Variants in KLRG1 observed in about 807,000 individuals in gnomAD.
KLRG1 encodes the protein killer cell lectin-like receptor subfamily G member 1.
KLRG1 carries 16 observed loss-of-function variants against 21.8 expected under a neutral mutation model. The observed-to-expected ratio is 0.73, with a 90% CI of 0.50 to 1.11. The LOEUF (loss-of-function observed/expected upper bound fraction) is 1.11. KLRG1 is among the 50% of genes most tolerant of loss of function. The probability of loss-of-function intolerance (pLI) is 0.00; values close to 1 mark genes in which losing one functional copy is unlikely to be tolerated. For missense variants in KLRG1, 173 were observed against 218.3 expected, an observed-to-expected ratio of 0.79 and a Z score of 1.31; for synonymous variants, 69 against 75.9, an observed-to-expected ratio of 0.91 and a Z score of 0.47.
At chr12:9,201,447 G>T in the KLRG1 span, 1 of 895,390 alleles carries the variant, frequency 1.1e-6, no homozygotes. Flanking sequence ...AATATTATCT[G>T]TAGCTAAATT....
the KLRG1 span, among the ~76,000 whole-genome samples, chr12:9,062,130 T>G: frequency 6.7e-6 from 1 of 148,532 alleles, no homozygotes; most frequent in Non-Finnish European, 1.5e-5. Context: ...GGATAATATA[T>G]CTGATATATT....
chr12:9,151,686 G>A, the KLRG1 span: 1 of 1,609,440 alleles, frequency 6.2e-7, no homozygotes, highest in South Asian at 1.1e-5. Flanking sequence ...GAGAGAATTA[G>A]AAAACTTCAG....
chr12:9,064,922 C>T, the KLRG1 span: 1 of 152,326 alleles, frequency 6.6e-6, no homozygotes, highest in Non-Finnish European at 1.5e-5. The surrounding 1 kb of genome is among the most constrained non-coding windows in gnomAD (Gnocchi z 4.0). Flanking sequence ...GGCGCGTCTT[C>T]AGGGTCCTCC....
the KLRG1 span, among the ~76,000 whole-genome samples, chr12:9,129,936 T>C: frequency 6.6e-6 from 1 of 152,240 alleles, no homozygotes. Flanking sequence ...CTTGCAAATC[T>C]GAAACTCTAT....
chr12:9,051,923 A>T, the KLRG1 span, among the ~76,000 whole-genome samples: 1 of 152,328 alleles, frequency 6.6e-6, no homozygotes, highest in African/African-American at 2.4e-5. Flanking sequence ...GAGACCAATC[A>T]ACAGGATGTT....
At chr12:9,113,380 G>C in the KLRG1 span, 11 of 1,613,530 alleles carry the variant, frequency 6.8e-6, no homozygotes, top group Non-Finnish European at 8.5e-6. Flanking sequence ...ACACAGTGGA[G>C]TACGTCATTC....
At chr12:9,034,396 T>C in the KLRG1 span, among the ~76,000 whole-genome samples, 1 of 152,190 alleles carries the variant, frequency 6.6e-6, no homozygotes, top group African/African-American at 2.4e-5. Flanking sequence ...ACATAATACC[T>C]GATGATAATA....
At chr12:9,045,781 G>A in the KLRG1 span, among the ~76,000 whole-genome samples, 14 of 152,230 alleles carry the variant, frequency 9.2e-5, no homozygotes, top group South Asian at 2.9e-3. Flanking sequence ...CAAAGACATG[G>A]AATCAACCCA....
chr12:9,087,362 A>G, the KLRG1 span, among the ~76,000 whole-genome samples: 1 of 152,202 alleles, frequency 6.6e-6, no homozygotes, highest in Non-Finnish European at 1.5e-5. Flanking sequence ...TTATGGCAGC[A>G]TGATTAAATC....
intron 3 of KLRG1, among the ~76,000 whole-genome samples, chr12:8,998,519 C>T (rs762442906): frequency 7.9e-5 from 12 of 151,942 alleles, no homozygotes; most frequent in African/African-American, 2.4e-4. Context: ...AAGACCCTGC[C>T]TCTACAAAAA....
downstream of KLRG1, among the ~76,000 whole-genome samples, chr12:9,012,356 T>G (rs1947643731): frequency 2.0e-5 from 3 of 152,082 alleles, no homozygotes; most frequent in Admixed American, 2.0e-4. Flanking sequence ...CTGGATGATA[T>G]TTTAAGACCC....
the KLRG1 span, among the ~76,000 whole-genome samples, chr12:9,077,146 A>T: frequency 6.6e-6 from 1 of 152,332 alleles, no homozygotes; most frequent in East Asian, 1.9e-4. Context: ...GGTGGTGGTA[A>T]ATAGCCTAGG....
chr12:9,116,182 C>A, the KLRG1 span: 1 of 338,684 alleles, frequency 3.0e-6, no homozygotes, highest in South Asian at 2.5e-5. Flanking sequence ...CTCACTCCCC[C>A]ACAACTCCTC....
At chr12:9,000,573 C>T (rs1047377847) in intron 3 of KLRG1, among the ~76,000 whole-genome samples, 6 of 152,200 alleles carry the variant, frequency 3.9e-5, no homozygotes, top group African/African-American at 1.4e-4. Flanking sequence ...AACTCCCCTC[C>T]CTCTAGCCCC....
chr12:9,197,064 G>A, the KLRG1 span: 1 of 1,613,490 alleles, frequency 6.2e-7, no homozygotes, highest in East Asian at 2.2e-5. Context: ...AAGAACACGA[G>A]ATAATTTTCT....
At chr12:8,981,433 T>C (rs1196982097) in intron 1 of KLRG1, among the ~76,000 whole-genome samples, 2 of 152,084 alleles carry the variant, frequency 1.3e-5, no homozygotes, top group Non-Finnish European at 2.9e-5. Flanking sequence ...CTGTGTTCTA[T>C]ATATTTTTGT....
the KLRG1 span, among the ~76,000 whole-genome samples, chr12:9,083,260 G>A: frequency 6.6e-6 from 1 of 152,090 alleles, no homozygotes; most frequent in Non-Finnish European, 1.5e-5. Flanking sequence ...GGATGGGGGA[G>A]GGATAGCATT....
the KLRG1 span, chr12:9,095,407 A>G: frequency 1.2e-6 from 1 of 833,582 alleles, no homozygotes; most frequent in Non-Finnish European, 1.8e-6. Flanking sequence ...TGCTATTAGT[A>G]GAGAAGCCAC....
chr12:9,093,493 T>C, the KLRG1 span: 1 of 1,613,722 alleles, frequency 6.2e-7, no homozygotes, highest in East Asian at 2.2e-5. Flanking sequence ...CAGATCCATG[T>C]CTCAGGGAAG....
Sources: gnomAD v4.1 joint callset for allele counts (sites outside exome capture counted in the v4.1 genomes callset) on GRCh38, gnomAD v4.1.1 for gene constraint, Gnocchi (gnomAD v3.1) non-coding constraint, MANE v1.5 for transcripts, NCBI Gene and HGNC (gene_info 2026-07-23, HGNC 2026-07-21) for gene names.